Variants in SPPL2A observed in about 807,000 individuals in gnomAD.
SPPL2A encodes the protein signal peptide peptidase-like 2A.
In SPPL2A, 51 loss-of-function variants were observed where a neutral mutation model predicts 63.8. The ratio of observed to expected loss-of-function variants is 0.80; its 90% CI spans 0.64 to 1.01. SPPL2A has a LOEUF of 1.01. Ranked by LOEUF, SPPL2A falls within the 50% of genes least tolerant of loss-of-function variation. SPPL2A has a pLI of 0.00. For missense variants in SPPL2A, 553 were observed against 622.7 expected, an observed-to-expected ratio of 0.89 and a Z score of 1.19; for synonymous variants, 188 against 205.8, an observed-to-expected ratio of 0.91 and a Z score of 0.74.
intron 1 of SPPL2A, among the ~76,000 whole-genome samples, chr15:50,753,237 A>G (rs943555702): frequency 1.3e-5 from 2 of 152,194 alleles, no homozygotes; most frequent in Non-Finnish European, 2.9e-5. Context: ...AGAAGCCCCT[A>G]CAATGTATCT....
intron 8 of SPPL2A, 50 bp from the exon 9 acceptor site, chr15:50,732,734 C>A: frequency 8.8e-7 from 1 of 1,134,494 alleles, no homozygotes; most frequent in Non-Finnish European, 1.3e-6. Flanking sequence ...TTAGATGAAG[C>A]CTTTCAAAAG....
chr15:50,708,460 C>G (rs2062529587), intron 14 of SPPL2A, among the ~76,000 whole-genome samples: 1 of 152,172 alleles, frequency 6.6e-6, no homozygotes, highest in Non-Finnish European at 1.5e-5. Context: ...GTAATCCCAG[C>G]ACCTTGGGAG....
In SPPL2A at chr15:50,735,304, A is replaced by G. The variant is rs180921260; in HGVS notation, c.932+797T>C. 3.1e-3 allele frequency among the ~76,000 whole-genome samples: 469 copies of G among 152,222 alleles called. 6 individuals are homozygous for G. The highest frequency in any genetic ancestry group is 0.011 in the African/African-American group (446 of 41,526). On this transcript the variant is annotated intron_variant, in intron 8 of 14. Transcript: ENST00000261854. ...GTATATGGCTTACTTATTGGTGAAC[A>G]GTATTCCATTGTGTAAATATAACGT...
chr15:50,736,135 C>T lies in SPPL2A; in HGVS notation c.898G>A (p.Ala300Thr). 1 of 1,612,750 alleles carries T rather than the reference C, an allele frequency of 6.2e-7. No individual in the cohort carries two copies. Among genetic ancestry groups the T allele is most frequent in the Non-Finnish European group, 8.5e-7 (1 of 1,179,210 alleles). The change falls in exon 8 of 15, where the codon GCT (alanine) becomes ACT (threonine). Residue 300 changes from alanine to threonine, a missense_variant. Ala to Thr is a moderately conservative substitution (Grantham distance 58, BLOSUM62 0). Transcript: ENST00000261854. Reference protein sequence around the residue: ...IFLSGLCIAVAVVWAVFRNED... With the variant: ...IFLSGLCIAVTVVWAVFRNED... The stretch of plus-strand genomic sequence containing the variant: ...TTTCGAAACACAGCCCAAACAACAG[C>T]TACTGCTATGCACAGTCCAGAGAGA...
intron 14 of SPPL2A, among the ~76,000 whole-genome samples, chr15:50,714,645 A>AG (rs1361419305): frequency 2.7e-5 from 4 of 145,534 alleles, no homozygotes; most frequent in East Asian, 4.2e-4. Context: ...AAAAAAAAAA[A>AG]AAATTTTTTT....
At chr15:50,744,559 C>G (rs1177671758) in intron 5 of SPPL2A, among the ~76,000 whole-genome samples, 1 of 151,974 alleles carries the variant, frequency 6.6e-6, no homozygotes, top group Non-Finnish European at 1.5e-5. Context: ...GCCAAAAGTA[C>G]AAAACTGTAA....
intron 14 of SPPL2A, among the ~76,000 whole-genome samples, chr15:50,713,301 G>A (rs1341457595): frequency 7.1e-6 from 1 of 140,210 alleles, no homozygotes; most frequent in African/African-American, 2.7e-5. Flanking sequence ...GAGTCTTGCT[G>A]TCGCCCAGGC....
intron 1 of SPPL2A, among the ~76,000 whole-genome samples, chr15:50,758,338 C>G (rs1400268137): frequency 6.6e-6 from 1 of 150,880 alleles, no homozygotes; most frequent in Non-Finnish European, 1.5e-5. Context: ...TTAATGTTGC[C>G]TATTCCTTTG....
intron 14 of SPPL2A, among the ~76,000 whole-genome samples, chr15:50,717,998 G>A (rs1292204033): frequency 7.8e-6 from 1 of 128,582 alleles, no homozygotes; most frequent in African/African-American, 3.0e-5. Flanking sequence ...TTGAGACGGA[G>A]TCTTGCTCTG....
At chr15:50,736,270 C>T (rs1365367582) in intron 7 of SPPL2A, 68 bp from the exon 8 acceptor site, 3 of 913,168 alleles carry the variant, frequency 3.3e-6, no homozygotes, top group Non-Finnish European at 5.4e-6. Flanking sequence ...TAAGAAGTAG[C>T]AAATATTAAC....
At chr15:50,719,411 A>G (rs1390762536) in intron 14 of SPPL2A, among the ~76,000 whole-genome samples, 1 of 151,818 alleles carries the variant, frequency 6.6e-6, no homozygotes, top group Non-Finnish European at 1.5e-5. Context: ...CACCCGGCTA[A>G]TTTTTTGTAT....
At chr15:50,711,913 T>G (rs2062562100) in intron 14 of SPPL2A, among the ~76,000 whole-genome samples, 4 of 152,214 alleles carry the variant, frequency 2.6e-5, no homozygotes. Flanking sequence ...ACATAAAGAC[T>G]GTAGAGATAC....
rs1348113457 is a variant in SPPL2A at position 50,703,187 on chromosome 15, A to C, written c.*4613T>G. The stretch of plus-strand genomic sequence containing the variant: ...CTCAAGGGACCCTCCCATCTCAGCC[A>C]GTACATTCCATTGTACTGGTCTACA... On this transcript the variant is annotated 3_prime_UTR_variant, in exon 15 of 15. Transcript: ENST00000261854. 1 of 151,056 alleles carries C rather than the reference A, an allele frequency of 6.6e-6. No individual in the cohort carries two copies. The highest frequency in any genetic ancestry group is 2.4e-5 in the African/African-American group (1 of 41,082). The allele number at this position is 151,056 out of a possible 1,614,324, so 9.4% of individuals were successfully genotyped here.
chr15:50,762,933 C>CG (rs1555445455), intron 1 of SPPL2A, among the ~76,000 whole-genome samples: 11 of 147,566 alleles, frequency 7.5e-5, no homozygotes, highest in Non-Finnish European at 6.0e-5. Flanking sequence ...TTAGTAGAGA[C>CG]GGGGTTTCAC....
chr15:50,739,843 A>C lies in SPPL2A; in HGVS notation c.585-15T>G, dbSNP rs777194368. The C allele has an allele frequency of 6.4e-7, 1 of 1,570,058 alleles. No individual in the cohort carries two copies. The highest frequency in any genetic ancestry group is 1.2e-5 in the South Asian group (1 of 82,092). On this transcript the variant is annotated splice_polypyrimidine_tract_variant and intron_variant, in intron 5 of 14. Transcript: ENST00000261854. ...TCAAGTTTTCCCTGTACAAACACAC[A>C]GGAACTTTAGCAAATCTTAGCCAAG... is the stretch of plus-strand genomic sequence containing the variant.
chr15:50,722,306 T>G, intron 12 of SPPL2A, 105 bp from the exon 13 acceptor site: 2 of 644,948 alleles, frequency 3.1e-6, no homozygotes, highest in Non-Finnish European at 5.4e-6. Flanking sequence ...CATTGTTGCA[T>G]TATAAGAACA....
chr15:50,737,386 C>G (rs946282479), intron 6 of SPPL2A, among the ~76,000 whole-genome samples: 1 of 151,968 alleles, frequency 6.6e-6, no homozygotes, highest in African/African-American at 2.4e-5. Context: ...TGTTTGATGC[C>G]AACATAATAC....
chr15:50,717,880 G>A (rs1337370829), intron 14 of SPPL2A, among the ~76,000 whole-genome samples: 1 of 149,418 alleles, frequency 6.7e-6, no homozygotes, highest in Non-Finnish European at 1.5e-5. Flanking sequence ...CCCATCTATA[G>A]TTTTCATGGC....
intron 5 of SPPL2A, among the ~76,000 whole-genome samples, chr15:50,744,311 A>T (rs914525531): frequency 6.6e-6 from 1 of 152,218 alleles, no homozygotes; most frequent in Non-Finnish European, 1.5e-5. Flanking sequence ...TGCTCCAGGA[A>T]CCTACACTTG....
Sources: gnomAD v4.1 joint callset for allele counts (sites outside exome capture counted in the v4.1 genomes callset) on GRCh38, gnomAD v4.1.1 for gene constraint, MANE v1.5 for transcripts, NCBI Gene and HGNC (gene_info 2026-07-23, HGNC 2026-07-21) for gene names.